HPSE2: variants seen among roughly 807,000 people sequenced by gnomAD.
The protein encoded by HPSE2 is heparanase 2 (inactive), also known as inactive heparanase-2.
HPSE2 carries 38 observed loss-of-function variants against 60.5 expected under a neutral mutation model. That is an observed-to-expected ratio of 0.63 (90% CI 0.48 to 0.82). HPSE2 has a LOEUF of 0.82. Among genes scored for constraint, HPSE2 ranks in the 40% least tolerant of loss-of-function variants. HPSE2 has a pLI of 0.00. For synonymous variants in HPSE2, 295 were observed against 293.2 expected (o/e 1.01, Z -0.06); for missense variants, 713 against 740.4 (o/e 0.96, Z 0.43).
At chr10:99,153,195 A>C (rs1307646481) in intron 2 of HPSE2, among the ~76,000 whole-genome samples, 1 of 152,214 alleles carries the variant, frequency 6.6e-6, no homozygotes, top group Non-Finnish European at 1.5e-5. Context: ...GCCATTGCCC[A>C]GGCTTGCTTA....
At chr10:98,940,750 T>C (rs1269617340) in intron 3 of HPSE2, among the ~76,000 whole-genome samples, 8 of 142,776 alleles carry the variant, frequency 5.6e-5, no homozygotes, top group Non-Finnish European at 1.2e-4. Flanking sequence ...AGCATCATCC[T>C]GATACCAAAG....
At chr10:98,798,771 C>T (rs1424059202) in intron 3 of HPSE2, among the ~76,000 whole-genome samples, 2 of 151,738 alleles carry the variant, frequency 1.3e-5, no homozygotes, top group Non-Finnish European at 2.9e-5. Context: ...AATTGTATCA[C>T]CAGAGAAAAT....
At chr10:98,738,101 C>T (rs1949404184) in intron 4 of HPSE2, among the ~76,000 whole-genome samples, 1 of 152,130 alleles carries the variant, frequency 6.6e-6, no homozygotes, top group Non-Finnish European at 1.5e-5. Flanking sequence ...GCTACAGTAA[C>T]CAAAACAGCA....
chr10:99,038,220 CACA>C (rs1396014570), intron 3 of HPSE2, among the ~76,000 whole-genome samples: 1 of 152,106 alleles, frequency 6.6e-6, no homozygotes, highest in Non-Finnish European at 1.5e-5. Context: ...ACAACATGCA[CACA>C]ATTGCTCATA....
At chr10:99,294,779 CA>C in the HPSE2 span, among the ~76,000 whole-genome samples, 50 of 151,546 alleles carry the variant, frequency 3.3e-4, no homozygotes, top group African/African-American at 1.1e-3. Flanking sequence ...ACTAAAAATA[CA>C]AAAAAAATCA....
At chr10:98,853,054 A>T (rs1952221359) in intron 3 of HPSE2, among the ~76,000 whole-genome samples, 1 of 152,256 alleles carries the variant, frequency 6.6e-6, no homozygotes, top group Non-Finnish European at 1.5e-5. Flanking sequence ...ATTAAACACA[A>T]ATGGCAAAAG....
chr10:99,232,907 G>C (rs1849709851), intron 1 of HPSE2, among the ~76,000 whole-genome samples: 1 of 152,272 alleles, frequency 6.6e-6, no homozygotes, highest in Non-Finnish European at 1.5e-5. Flanking sequence ...CGCGCTAGGC[G>C]CGCCTACCTC....
chr10:98,721,798 C>T lies in HPSE2; in HGVS notation c.815G>A (p.Arg272Gln), dbSNP rs376543806. 2.8e-5 allele frequency: 45 copies of T among 1,613,196 alleles called. No homozygotes were observed. Among genetic ancestry groups the T allele is most frequent in the African/African-American group, 8.0e-5 (6 of 74,720 alleles). ...TCCCAACTGGCTGCCATTTACTGCC[C>T]GGCCATGCATGGTCCGATAGTTATT... The part of the protein sequence containing the change: ...EPNNYRTMHG[R>Q]AVNGSQLGKD... Residue 272 changes from arginine (R) to glutamine (Q), a missense_variant, in exon 5 of 12, where the codon CGG becomes CAG. Transcript: ENST00000370552.
intron 3 of HPSE2, among the ~76,000 whole-genome samples, chr10:98,809,769 A>G (rs11594210): frequency 0.15 from 22,320 of 152,128 alleles, 2,022 homozygotes; most frequent in Admixed American, 0.23. Context: ...AAAAGTATAC[A>G]TCTATGCTTC....
At chr10:98,843,397 G>T (rs1308682204) in intron 3 of HPSE2, among the ~76,000 whole-genome samples, 1 of 152,102 alleles carries the variant, frequency 6.6e-6, no homozygotes, top group African/African-American at 2.4e-5. Flanking sequence ...GAAATGGTTG[G>T]TATTAGGATA....
intron 5 of HPSE2, among the ~76,000 whole-genome samples, chr10:98,695,742 A>T (rs1175256290): frequency 6.6e-6 from 1 of 152,008 alleles, no homozygotes; most frequent in Non-Finnish European, 1.5e-5. Context: ...TCTTTATCTC[A>T]TCTCCTTTCC....
chr10:98,857,596 A>G (rs188408665), intron 3 of HPSE2, among the ~76,000 whole-genome samples: 2 of 152,322 alleles, frequency 1.3e-5, no homozygotes, highest in Admixed American at 1.3e-4. Context: ...ATCAAGGCAT[A>G]AAATGACTTT....
At chr10:98,663,760 TACC>T (rs1947286385) in intron 6 of HPSE2, among the ~76,000 whole-genome samples, 1 of 152,136 alleles carries the variant, frequency 6.6e-6, no homozygotes, top group Non-Finnish European at 1.5e-5. Flanking sequence ...TTTGTAGAGG[TACC>T]ACTCAAGACC....
chr10:98,552,210 G>A (rs1943883727), intron 9 of HPSE2, among the ~76,000 whole-genome samples: 2 of 152,082 alleles, frequency 1.3e-5, no homozygotes, highest in South Asian at 4.1e-4. Flanking sequence ...ATATTTAAGG[G>A]AAAATAGGTA....
At chr10:99,127,419 G>A (rs952687183) in intron 3 of HPSE2, among the ~76,000 whole-genome samples, 6 of 152,088 alleles carry the variant, frequency 3.9e-5, no homozygotes, top group Non-Finnish European at 7.4e-5. Context: ...AGAGGCTTTC[G>A]AATTAACCCA....
At chr10:98,537,777 A>G (rs1462922370) in intron 9 of HPSE2, among the ~76,000 whole-genome samples, 2 of 152,132 alleles carry the variant, frequency 1.3e-5, no homozygotes, top group African/African-American at 4.8e-5. Flanking sequence ...CTTCTTGTGG[A>G]AGGCTGGATA....
intron 3 of HPSE2, among the ~76,000 whole-genome samples, chr10:98,974,928 C>A (rs1956050617): frequency 6.6e-6 from 1 of 152,056 alleles, no homozygotes; most frequent in South Asian, 2.1e-4. Flanking sequence ...AAATTTAATG[C>A]TATTACTTTT....
At chr10:98,693,315 G>T (rs1263476677) in intron 6 of HPSE2, among the ~76,000 whole-genome samples, 1 of 152,192 alleles carries the variant, frequency 6.6e-6, no homozygotes, top group Non-Finnish European at 1.5e-5. Flanking sequence ...TTATTTATCA[G>T]ATAATTGTAT....
At chr10:98,488,141 A>C (rs966073964) in intron 10 of HPSE2, among the ~76,000 whole-genome samples, 1 of 152,192 alleles carries the variant, frequency 6.6e-6, no homozygotes, top group Non-Finnish European at 1.5e-5. Context: ...TTTGCATAGA[A>C]ATTAGAGGAG....
Sources: gnomAD v4.1 joint callset for allele counts (sites outside exome capture counted in the v4.1 genomes callset) on GRCh38, gnomAD v4.1.1 for gene constraint, MANE v1.5 for transcripts, NCBI Gene and HGNC (gene_info 2026-07-23, HGNC 2026-07-21) for gene names.